Variants in CECR2 observed in about 807,000 individuals in gnomAD.
CECR2 encodes CECR2 histone acetyl-lysine reader.
Under a neutral mutation model 154.5 loss-of-function variants are expected in CECR2, and 30 were observed. The ratio of observed to expected loss-of-function variants is 0.19; its 90% confidence interval spans 0.15 to 0.26. CECR2 has a LOEUF of 0.26. Among genes scored for constraint, CECR2 ranks in the 10% least tolerant of loss-of-function variants. The probability of loss-of-function intolerance (pLI) is 1.00; values close to 1 mark genes in which losing one functional copy is unlikely to be tolerated. For missense variants in CECR2, 1,743 were observed against 1,829.3 expected (o/e 0.95, Z 0.86); for synonymous variants, 725 against 683.7 (o/e 1.06, Z -0.94).
At chr22:17,520,760 T>C (rs532085220) in intron 8 of CECR2, among the ~76,000 whole-genome samples, 1 of 152,268 alleles carries the variant, frequency 6.6e-6, no homozygotes, top group South Asian at 2.1e-4. Flanking sequence ...AACTCGTCTT[T>C]TTGGGTTTTT....
At chr22:17,543,759 C>T (rs1332883577) in intron 16 of CECR2, among the ~76,000 whole-genome samples, 3 of 152,100 alleles carry the variant, frequency 2.0e-5, no homozygotes, top group Non-Finnish European at 2.9e-5. Flanking sequence ...AAGGTTTCAC[C>T]GTGTTGGCCA....
At chr22:17,416,331 T>C (rs746529048) in intron 1 of CECR2, among the ~76,000 whole-genome samples, 9 of 152,016 alleles carry the variant, frequency 5.9e-5, no homozygotes, top group Non-Finnish European at 1.0e-4. Context: ...TATATATGTT[T>C]AGTTTTTTTC....
intron 1 of CECR2, among the ~76,000 whole-genome samples, chr22:17,414,637 G>A (rs2054129454): frequency 6.6e-6 from 1 of 151,662 alleles, no homozygotes. Context: ...TTTACATTAG[G>A]TATGTCTCCT....
chr22:17,505,896 A>C (rs2146903104), intron 7 of CECR2, among the ~76,000 whole-genome samples: 1 of 138,900 alleles, frequency 7.2e-6, no homozygotes, highest in East Asian at 2.3e-4. Flanking sequence ...CCAGACTGGA[A>C]TGCAGTAGTG....
chr22:17,491,585 G>GGGT (rs1215162942), intron 2 of CECR2, among the ~76,000 whole-genome samples: 2 of 125,840 alleles, frequency 1.6e-5, no homozygotes, highest in Non-Finnish European at 3.4e-5. Flanking sequence ...GTGTGTGTGG[G>GGGT]GGGGTGGGTG....
Position 17,542,824 on chromosome 22 carries a change from G to T in CECR2, c.2681G>T (p.Arg894Leu). 1 of 1,613,794 alleles carries T rather than the reference G, an allele frequency of 6.2e-7. No individual in the cohort carries two copies. The highest frequency in any genetic ancestry group is 1.1e-5 in the South Asian group (1 of 91,062). Reference protein sequence around the residue: ...EMIAMQQLSSRVCPPGVPYHP... With the variant: ...EMIAMQQLSSLVCPPGVPYHP... ...ATTGCGATGCAGCAGCTCTCCTCCC[G>T]CGTCTGCCCCCCAGGTGTGCCTTAC... Residue 894 changes from arginine to leucine, a missense_variant, in exon 16 of 19, where the codon CGC (arginine) becomes CTC (leucine). By Grantham distance (102) the Arg-to-Leu change is moderately radical. Around this residue, in one of 4 missense-constraint regions of CECR2, gnomAD observed 1,250 missense variants for 1,192.1 expected, o/e 1.05. Transcript: ENST00000262608.
intron 1 of CECR2, among the ~76,000 whole-genome samples, chr22:17,455,839 G>T (rs1175049009): frequency 6.6e-6 from 1 of 152,144 alleles, no homozygotes; most frequent in Admixed American, 6.5e-5. Flanking sequence ...TCGAACTTCT[G>T]ACCTCAGGTG....
intron 1 of CECR2, among the ~76,000 whole-genome samples, chr22:17,435,990 GCT>G (rs1479699580): frequency 6.6e-6 from 1 of 151,578 alleles, no homozygotes; most frequent in Non-Finnish European, 1.5e-5. Flanking sequence ...TGTCTGTCTC[GCT>G]CTGTCACCCA....
Position 17,485,672 on chromosome 22 carries a change from G to T in CECR2, c.221+7990G>T, listed in dbSNP as rs140341713. 9.1e-3 allele frequency among the ~76,000 whole-genome samples: 1,392 copies of T among 152,260 alleles called. 26 individuals are homozygous for T. The highest frequency in any genetic ancestry group is 0.032 in the African/African-American group (1,336 of 41,540). ...ACCTGTAGTCCCAGGTACTCGGGAG[G>T]CTGAGGCAGGAGAATCAGTGGAGCC... On this transcript the variant is annotated intron_variant, in intron 2 of 18. Transcript: ENST00000262608.
At chr22:17,496,266 G>C (rs1193384415) in intron 2 of CECR2, among the ~76,000 whole-genome samples, 1 of 152,100 alleles carries the variant, frequency 6.6e-6, no homozygotes, top group Non-Finnish European at 1.5e-5. Context: ...GTGAGGACGA[G>C]GCGGGTGGAT....
chr22:17,514,762 G>A (rs973359102), intron 8 of CECR2, among the ~76,000 whole-genome samples: 13 of 152,084 alleles, frequency 8.5e-5, no homozygotes, highest in Admixed American at 5.9e-4. Flanking sequence ...GGCCAGGCGC[G>A]GTGGCTCACG....
Position 17,540,654 on chromosome 22 carries a change from A to G in CECR2, c.1738A>G (p.Thr580Ala). 1 of 1,613,878 alleles carries G rather than the reference A, an allele frequency of 6.2e-7. No individual in the cohort carries two copies. Among genetic ancestry groups the G allele is most frequent in the Non-Finnish European group, 8.5e-7 (1 of 1,179,844 alleles). ...GAATGGAGGAAAGTCGTTGCCCCCCACACGCCGAGCGCCCTCTTCTGGGGA... is the reference window on the plus strand; with the variant it reads ...GAATGGAGGAAAGTCGTTGCCCCCCGCACGCCGAGCGCCCTCTTCTGGGGA... Reference protein sequence around the residue: ...MENGGKSLPPTRRAPSSGDDQ... With the variant: ...MENGGKSLPPARRAPSSGDDQ... Residue 580 changes from threonine to alanine, a missense_variant, in exon 14 of 19, where the codon ACA (threonine) becomes GCA (alanine). Physicochemically the swap from Thr to Ala is moderately conservative, Grantham distance 58 (BLOSUM62 0). Transcript: ENST00000262608.
intron 1 of CECR2, among the ~76,000 whole-genome samples, chr22:17,383,029 C>T (rs931449999): frequency 3.3e-5 from 5 of 152,044 alleles, no homozygotes; most frequent in Admixed American, 1.3e-4. Flanking sequence ...AGTTCGAGAC[C>T]GCCTGGCCAA....
chr22:17,511,782 T>C (rs2055959894), intron 7 of CECR2, 31 bp from the exon 8 acceptor site: 1 of 1,588,488 alleles, frequency 6.3e-7, no homozygotes. Flanking sequence ...TAATCTATCT[T>C]TTCCTTTCTC....
chr22:17,407,317 C>T (rs371760686), intron 1 of CECR2, among the ~76,000 whole-genome samples: 5 of 152,150 alleles, frequency 3.3e-5, no homozygotes, highest in Admixed American at 1.3e-4. Flanking sequence ...TGAAAGAGGC[C>T]GGGTGCGGTG....
intron 1 of CECR2, among the ~76,000 whole-genome samples, chr22:17,379,581 G>GGTGTGTGTGTATGTGTGT (rs1555899688): frequency 1.5e-5 from 2 of 137,814 alleles, no homozygotes; most frequent in Non-Finnish European, 3.1e-5. Flanking sequence ...CTACGTTGAA[G>GGTGTGTGTGTATGTGTGT]GTGTGTGTGT....
chr22:17,508,632 C>G (rs915465566), intron 7 of CECR2, among the ~76,000 whole-genome samples: 4 of 152,038 alleles, frequency 2.6e-5, no homozygotes, highest in African/African-American at 9.7e-5. Context: ...TAGCACACTA[C>G]ATCGTCTAGG....
At chr22:17,374,426 A>G (rs752293193) in intron 1 of CECR2, among the ~76,000 whole-genome samples, 3 of 152,210 alleles carry the variant, frequency 2.0e-5, no homozygotes, top group Non-Finnish European at 1.5e-5. Context: ...AAGTACATCC[A>G]TCATATCAGT....
At chr22:17,525,341 AAAG>A (rs1425967654) in intron 9 of CECR2, among the ~76,000 whole-genome samples, 1 of 150,144 alleles carries the variant, frequency 6.7e-6, no homozygotes, top group Non-Finnish European at 1.5e-5. Flanking sequence ...AGGGAAAAGA[AAAG>A]AAAGAAAGAA....
Sources: allele counts gnomAD v4.1 joint callset (sites outside exome capture counted in the v4.1 genomes callset), GRCh38; gene constraint gnomAD v4.1.1; regional missense constraint gnomAD v4.1.1; transcripts MANE v1.5; gene names NCBI Gene and HGNC (gene_info 2026-07-23, HGNC 2026-07-21).